The following PLPPR1 variants were observed in gnomAD, a reference collection of about 807,000 sequenced individuals.
PLPPR1 encodes phospholipid phosphatase related 1, also known as phospholipid phosphatase-related protein type 1.
Under a neutral mutation model 33.1 loss-of-function variants are expected in PLPPR1, and 10 were observed. The ratio of observed to expected loss-of-function variants is 0.30; its 90% confidence interval spans 0.19 to 0.51. The LOEUF (loss-of-function observed/expected upper bound fraction) is 0.51. Among genes scored for constraint, PLPPR1 ranks in the 20% least tolerant of loss-of-function variants. PLPPR1 has a pLI of 0.97. For synonymous variants in PLPPR1, 151 were observed against 151.0 expected, an observed-to-expected ratio of 1.00 and a Z score of 0.00; for missense variants, 304 against 408.1, an observed-to-expected ratio of 0.74 and a Z score of 2.20.
chr9:101,042,288 C>G (rs1183455860), intron 1 of PLPPR1, among the ~76,000 whole-genome samples: 1 of 152,198 alleles, frequency 6.6e-6, no homozygotes, highest in Non-Finnish European at 1.5e-5. Flanking sequence ...ACTCTCCACT[C>G]ACCTGTAAGT....
At chr9:101,085,410 T>C (rs1830664061) in intron 1 of PLPPR1, among the ~76,000 whole-genome samples, 1 of 152,140 alleles carries the variant, frequency 6.6e-6, no homozygotes, top group Non-Finnish European at 1.5e-5. Flanking sequence ...CAGGGCTGCC[T>C]GTGAGGTCAG....
intron 1 of PLPPR1, among the ~76,000 whole-genome samples, chr9:101,038,807 C>T (rs1399793383): frequency 3.3e-5 from 5 of 152,130 alleles, no homozygotes; most frequent in South Asian, 2.1e-4. Context: ...CCCATCCTCC[C>T]GCCCATCCCT....
chr9:101,269,781 G>C (rs1828060369), intron 2 of PLPPR1, 99 bp from the exon 3 acceptor site: 5 of 1,154,192 alleles, frequency 4.3e-6, no homozygotes, highest in Non-Finnish European at 6.5e-6. Context: ...CCAATATCAG[G>C]AGAGCCGCTG....
chr9:101,251,053 CTTCAA>C (rs1342955286), intron 2 of PLPPR1, among the ~76,000 whole-genome samples: 1 of 152,030 alleles, frequency 6.6e-6, no homozygotes, highest in Non-Finnish European at 1.5e-5. Context: ...CAAGAACTTT[CTTCAA>C]TTCATATTCA....
chr9:101,236,602 T>C (rs1371043183), intron 2 of PLPPR1, among the ~76,000 whole-genome samples: 2 of 151,182 alleles, frequency 1.3e-5, no homozygotes, highest in Admixed American at 1.3e-4. Context: ...AAAATGACCA[T>C]CTTTTTTTTC....
intron 1 of PLPPR1, among the ~76,000 whole-genome samples, chr9:101,152,679 TG>T (rs1156862654): frequency 6.6e-6 from 1 of 152,064 alleles, no homozygotes; most frequent in East Asian, 1.9e-4. Flanking sequence ...TTCTTGTTTT[TG>T]TCAGGTGTGT....
At chr9:101,138,180 C>A (rs1831401995) in intron 1 of PLPPR1, among the ~76,000 whole-genome samples, 1 of 152,202 alleles carries the variant, frequency 6.6e-6, no homozygotes, top group African/African-American at 2.4e-5. Context: ...CAATACAGAT[C>A]AGAGTTCTTG....
rs1282708268 is a variant in PLPPR1 at position 101,309,384 on chromosome 9, G to A, written c.559G>A (p.Glu187Lys). ...TGGGAACATTTGTACTGGGGACCTG[G>A]AAGTGATAGAAAAGGCTCGGAGATC... The part of the protein sequence containing the change: ...NNGNICTGDL[E>K]VIEKARRSFP... The change falls in exon 5 of 8, where the codon GAA (glutamate) becomes AAA (lysine). Residue 187 changes from glutamate to lysine, a missense_variant. Glu to Lys is a moderately conservative substitution (Grantham distance 56, BLOSUM62 1). Coordinates refer to ENST00000374874, the MANE Select transcript of PLPPR1 (RefSeq NM_207299.2). 1 of 1,614,102 alleles carries A rather than the reference G, an allele frequency of 6.2e-7. No homozygotes were observed. Among genetic ancestry groups the A allele is most frequent in the Non-Finnish European group, 8.5e-7 (1 of 1,180,020 alleles).
chr9:101,292,191 G>C (rs1158950624), intron 4 of PLPPR1, among the ~76,000 whole-genome samples: 1 of 152,124 alleles, frequency 6.6e-6, no homozygotes, highest in African/African-American at 2.4e-5. Flanking sequence ...AAGGGTATCA[G>C]CAATGGAAAA....
intron 1 of PLPPR1, among the ~76,000 whole-genome samples, chr9:101,078,816 G>A (rs372121561): frequency 9.5e-4 from 143 of 150,970 alleles, no homozygotes; most frequent in African/African-American, 2.7e-3. Flanking sequence ...TTCTTAGTAC[G>A]AAAAAAAAGT....
intron 2 of PLPPR1, among the ~76,000 whole-genome samples, chr9:101,226,768 A>AT (rs138974589): frequency 0.098 from 14,967 of 152,076 alleles, 941 homozygotes; most frequent in Non-Finnish European, 0.14. Context: ...CAAAGCTTAT[A>AT]TTTTTTTAAG....
intron 1 of PLPPR1, among the ~76,000 whole-genome samples, chr9:101,124,060 A>G (rs1831211831): frequency 6.6e-6 from 1 of 152,120 alleles, no homozygotes; most frequent in African/African-American, 2.4e-5. Context: ...TATTACTATC[A>G]TTATTACTAG....
At chr9:101,124,859 T>C (rs1375471762) in intron 1 of PLPPR1, among the ~76,000 whole-genome samples, 2 of 152,226 alleles carry the variant, frequency 1.3e-5, no homozygotes, top group African/African-American at 2.4e-5. Flanking sequence ...CCTGCGGCCT[T>C]AAGATGAGTT....
intron 1 of PLPPR1, among the ~76,000 whole-genome samples, chr9:101,180,131 TATATATATATATACACACAC>T (rs1826080230): frequency 2.6e-5 from 1 of 37,918 alleles, no homozygotes; most frequent in Admixed American, 2.9e-4. Context: ...TATATATATA[TATATATATATATACACACAC>T]ACACACACAC....
chr9:101,210,530 A>G (rs970230432), intron 2 of PLPPR1, among the ~76,000 whole-genome samples: 4 of 152,174 alleles, frequency 2.6e-5, no homozygotes, highest in South Asian at 2.1e-4. Flanking sequence ...GAGGATTCAT[A>G]GTCTCCAATC....
At chr9:101,089,592 A>G (rs1369158748) in intron 1 of PLPPR1, among the ~76,000 whole-genome samples, 2 of 152,176 alleles carry the variant, frequency 1.3e-5, no homozygotes, top group South Asian at 4.1e-4. Context: ...TAGTATGAAC[A>G]TTTGTTCATA....
intron 1 of PLPPR1, among the ~76,000 whole-genome samples, chr9:101,122,447 C>G (rs1831189980): frequency 6.6e-6 from 1 of 152,022 alleles, no homozygotes; most frequent in African/African-American, 2.4e-5. Flanking sequence ...ATCTCATTTT[C>G]CAGAAGTGGA....
chr9:101,282,484 T>C (rs1345617695), intron 3 of PLPPR1, among the ~76,000 whole-genome samples: 2 of 152,232 alleles, frequency 1.3e-5, no homozygotes, highest in Non-Finnish European at 2.9e-5. Flanking sequence ...TTGAAAGTTT[T>C]TTCTCTAAGA....
At chr9:101,193,268 C>T (rs2915420) in intron 2 of PLPPR1, among the ~76,000 whole-genome samples, 26,052 of 152,058 alleles carry the variant, frequency 0.17, 2,762 homozygotes, top group East Asian at 0.57. Flanking sequence ...GGAAATATCC[C>T]ACCCCCTGTC....
Sources: allele counts gnomAD v4.1 joint callset (sites outside exome capture counted in the v4.1 genomes callset), GRCh38; gene constraint gnomAD v4.1.1; transcripts MANE v1.5; gene names NCBI Gene and HGNC (gene_info 2026-07-23, HGNC 2026-07-21).